The following E2F6 variants were observed in gnomAD, a reference collection of about 807,000 sequenced individuals.
The protein encoded by E2F6 is E2F transcription factor 6, also known as transcription factor E2F6.
A neutral mutation model predicts 31.5 loss-of-function variants in E2F6; 19 were observed. That is an observed-to-expected ratio of 0.60 (90% CI 0.42 to 0.89). The LOEUF (loss-of-function observed/expected upper bound fraction) is 0.89, where lower values mean the gene tolerates loss of function less well. E2F6 is among the 40% of genes least tolerant of loss of function. The probability of loss-of-function intolerance (pLI) is 0.00; values close to 1 mark genes in which losing one functional copy is unlikely to be tolerated. For synonymous variants in E2F6, 121 were observed against 127.7 expected (o/e 0.95, Z 0.36); for missense variants, 269 against 341.6 (o/e 0.79, Z 1.67).
intron 2 of E2F6, among the ~76,000 whole-genome samples, chr2:11,456,233 T>C (rs1038407896): frequency 6.6e-6 from 1 of 152,204 alleles, no homozygotes; most frequent in Non-Finnish European, 1.5e-5. Context: ...TTTCTCTACA[T>C]GTAAAAGAGC....
At chr2:11,458,488 G>A in intron 1 of E2F6, 1 of 811,688 alleles carries the variant, frequency 1.2e-6, no homozygotes, top group East Asian at 2.7e-5. Flanking sequence ...GAAGCTGGGA[G>A]GGCATGCTGG....
At chr2:11,458,131 T>A (rs1671527003) in intron 1 of E2F6, 2 of 731,778 alleles carry the variant, frequency 2.7e-6, no homozygotes, top group African/African-American at 3.5e-5. Flanking sequence ...AACATCAATG[T>A]TAATGTGCCT....
At chr2:11,464,653 A>G (rs1672020186) in intron 1 of E2F6, among the ~76,000 whole-genome samples, 1 of 152,004 alleles carries the variant, frequency 6.6e-6, no homozygotes, top group Admixed American at 6.6e-5. Flanking sequence ...TCAAGAATTT[A>G]TCATCTGGAG....
At position 11,457,344 on chromosome 2, in the gene E2F6, G is replaced by A. The variant is rs1671470314; in HGVS notation, c.109-111C>T. ...TGGGAATATGAATATGATAATTACT[G>A]GCTGGGCAGAGGCTCACGCCTGTAA... On this transcript the variant is annotated intron_variant, in intron 1 of 6. Transcript: ENST00000381525. 5.6e-6 allele frequency: 4 copies of A among 718,982 alleles called. No individual in the cohort carries two copies. The Admixed American group carries it at 1.0e-4, about 18-fold the overall frequency. The allele number at this position is 718,982 out of a possible 1,614,324, so 44.5% of individuals were successfully genotyped here. A position where few individuals can be genotyped will look rare whatever the true frequency, so the allele number is the denominator to read the frequency against.
intron 1 of E2F6, among the ~76,000 whole-genome samples, chr2:11,459,899 G>A (rs1671665237): frequency 6.6e-6 from 1 of 151,826 alleles, no homozygotes; most frequent in African/African-American, 2.4e-5. Flanking sequence ...AAAAAAAGAT[G>A]ATAAATAGGC....
intron 1 of E2F6, among the ~76,000 whole-genome samples, chr2:11,460,088 C>A (rs185022488): frequency 1.6e-4 from 24 of 152,146 alleles, no homozygotes; most frequent in Non-Finnish European, 3.4e-4. Context: ...CTCCAAGTCC[C>A]CTATTTAAAG....
chr2:11,455,248 ACTTTGT>A, intron 2 of E2F6: 1 of 943,882 alleles, frequency 1.1e-6, no homozygotes, highest in Non-Finnish European at 1.3e-6. Flanking sequence ...TTCTAAAATA[ACTTTGT>A]CACTCTGGTG....
intron 5 of E2F6, among the ~76,000 whole-genome samples, chr2:11,449,456 C>T (rs1370200471): frequency 6.6e-6 from 1 of 152,228 alleles, no homozygotes; most frequent in Admixed American, 6.5e-5. Flanking sequence ...CTGTCCTCAT[C>T]AAGCAGCCTT....
chr2:11,461,579 C>T (rs184013312), intron 1 of E2F6, among the ~76,000 whole-genome samples: 3 of 152,248 alleles, frequency 2.0e-5, no homozygotes, highest in South Asian at 2.1e-4. Flanking sequence ...TCTCGAAATC[C>T]GGACCTCAGG....
chr2:11,449,912 G>T, intron 5 of E2F6, 100 bp downstream of exon 5: 1 of 857,824 alleles, frequency 1.2e-6, no homozygotes. Context: ...TACAGTGCAC[G>T]TGCACACAAC....
At chr2:11,450,636 T>C (rs138158418) in intron 4 of E2F6, among the ~76,000 whole-genome samples, 2 of 152,344 alleles carry the variant, frequency 1.3e-5, no homozygotes, top group Non-Finnish European at 2.9e-5. Context: ...TGTATGATGT[T>C]ACTTCATCCA....
chr2:11,444,607 G>GA lies in E2F6; in HGVS notation c.*1869dup, dbSNP rs1306480970. ...CACCCGCCCCATTATTCCTTCTCAGGAGACTTCTTCTGTATTTCTCCTTAA... is the reference window on the plus strand; with the variant it reads ...CACCCGCCCCATTATTCCTTCTCAGGAAGACTTCTTCTGTATTTCTCCTTAA... On this transcript the variant is annotated 3_prime_UTR_variant, in exon 7 of 7. Coordinates refer to ENST00000381525, the MANE Select transcript of E2F6 (RefSeq NM_198256.4). 5 of 145,798 alleles carry GA rather than the reference G, an allele frequency of 3.4e-5. No individual in the cohort carries two copies. Among genetic ancestry groups the GA allele is most frequent in the African/African-American group, 1.2e-4 (5 of 40,028 alleles). 9.0% of individuals were successfully genotyped at this position (145,798 alleles called of 1,614,324 possible). A position where few individuals can be genotyped will look rare whatever the true frequency, so the allele number is the denominator to read the frequency against.
chr2:11,449,124 C>A (rs1338454649), intron 5 of E2F6, among the ~76,000 whole-genome samples: 1 of 152,184 alleles, frequency 6.6e-6, no homozygotes, highest in African/African-American at 2.4e-5. Context: ...AATTATTATG[C>A]CCCAAAGTAA....
rs1022632282 is a variant in E2F6 at position 11,446,172 on chromosome 2, C to T, written c.*305G>A. 1.4e-4 allele frequency: 52 copies of T among 384,400 alleles called. No homozygotes were observed. The highest frequency in any genetic ancestry group is 2.2e-4 in the Non-Finnish European group (46 of 211,264). The allele number at this position is 384,400 out of a possible 1,614,324, so 23.8% of individuals were successfully genotyped here. On this transcript the variant is annotated 3_prime_UTR_variant, in exon 7 of 7. Coordinates refer to ENST00000381525, the MANE Select transcript of E2F6 (RefSeq NM_198256.4). ...AAGGGTAGAGTCCACAAAGAACTGTCCATTTCAGCCTGACTGTCTGTCTTC... is the reference window on the plus strand; with the variant it reads ...AAGGGTAGAGTCCACAAAGAACTGTTCATTTCAGCCTGACTGTCTGTCTTC...
intron 1 of E2F6, 63 bp downstream of exon 1, chr2:11,465,708 CG>C: frequency 4.6e-6 from 7 of 1,518,286 alleles, no homozygotes; most frequent in African/African-American, 1.4e-5. Flanking sequence ...TTGGCGGCGG[CG>C]CGGGGAGGAG....
chr2:11,451,430 A>C, intron 4 of E2F6: 1 of 320,912 alleles, frequency 3.1e-6, no homozygotes, highest in Non-Finnish European at 5.6e-6. Flanking sequence ...CGCTCACAGC[A>C]ACCTCGGCCT....
At chr2:11,448,720 TGTC>T (rs1670876597) in intron 5 of E2F6, among the ~76,000 whole-genome samples, 2 of 152,262 alleles carry the variant, frequency 1.3e-5, no homozygotes, top group Non-Finnish European at 2.9e-5. Flanking sequence ...AATTAAGTGT[TGTC>T]AAACTTCCAT....
rs556017387 is a variant in E2F6, at chr2:11,465,903, C to T, written c.-24G>A. The T allele has an allele frequency of 3.3e-6, 5 of 1,513,344 alleles. No homozygotes were observed. The highest frequency in any genetic ancestry group is 1.3e-5 in the South Asian group (1 of 79,552). 93.7% of individuals were successfully genotyped at this position (1,513,344 alleles called of 1,614,324 possible). On this transcript the variant is annotated 5_prime_UTR_variant, in exon 1 of 7. Transcript: ENST00000381525. ...ATGCTGCCCGGCCGGGCGTCCTGCT[C>T]CCCTCGCACCCCACGAGCTCTCCCG...
intron 2 of E2F6, among the ~76,000 whole-genome samples, chr2:11,456,070 T>C (rs1167988662): frequency 2.0e-5 from 3 of 152,182 alleles, no homozygotes; most frequent in Admixed American, 2.0e-4. Context: ...GGCAGCATGC[T>C]GGAAGAAGAG....
Sources: gnomAD v4.1 joint callset for allele counts (sites outside exome capture counted in the v4.1 genomes callset) on GRCh38, gnomAD v4.1.1 for gene constraint, MANE v1.5 for transcripts, NCBI Gene and HGNC (gene_info 2026-07-23, HGNC 2026-07-21) for gene names.